The following TTN variants were observed in gnomAD, a reference collection of about 807,000 sequenced individuals.
TTN encodes the protein connectin.
TTN carries 1,525 observed loss-of-function variants against 3,223.0 expected under a neutral mutation model. The ratio of observed to expected loss-of-function variants is 0.47; its 90% CI spans 0.45 to 0.49. TTN has a LOEUF of 0.49. Among genes scored for constraint, TTN ranks in the 20% least tolerant of loss-of-function variants. TTN has a pLI of 0.00. For missense variants in TTN, 40,786 were observed against 43,424.0 expected (o/e 0.94, Z 5.40); for synonymous variants, 14,094 against 15,161.0 (o/e 0.93, Z 5.17).
rs1250781818 is a variant in TTN at position 178,634,852 on chromosome 2, GA to G, written c.42025-4del. Reference sequence around the variant, plus strand: ...CCTTCTGCTTTGATTTCACAAGTCTGAAAAACAATAGTTTTAGTAACCATTT... The same window carrying G: ...CCTTCTGCTTTGATTTCACAAGTCTGAAAACAATAGTTTTAGTAACCATTT... On this transcript the variant is annotated splice_polypyrimidine_tract_variant and splice_region_variant and intron_variant, in intron 228 of 362. Transcript: ENST00000589042. The surrounding 1 kb of genome is among the most constrained non-coding windows in gnomAD (Gnocchi z 4.6). 6.2e-7 allele frequency: 1 copy of G among 1,604,152 alleles called. No individual in the cohort carries two copies. Among genetic ancestry groups the G allele is most frequent in the South Asian group, 1.1e-5 (1 of 88,606 alleles).
chr2:178,734,229 A>T, intron 52 of TTN, 99 bp downstream of exon 52: 2 of 1,375,618 alleles, frequency 1.5e-6, no homozygotes, highest in Non-Finnish European at 1.9e-6. Context: ...ACAAATTTAA[A>T]GGATAGGACA....
At chr2:178,529,910 C>T (rs1688308112) in intron 359 of TTN, 50 bp downstream of exon 359, 3 of 1,541,290 alleles carry the variant, frequency 1.9e-6, no homozygotes, top group Admixed American at 2.3e-5. Flanking sequence ...AAAATATTTC[C>T]CTAATATTAT....
intron 312 of TTN, 181 bp from the exon 313 acceptor site, chr2:178,583,408 T>C (rs2048225019): frequency 2.4e-6 from 2 of 827,272 alleles, no homozygotes; most frequent in Admixed American, 3.5e-5. Flanking sequence ...TGAAATTATA[T>C]AGTTGCCACA....
Position 178,537,420 on chromosome 2 carries a change from T to A in TTN, c.99787A>T (p.Thr33263Ser), listed in dbSNP as rs369648529. The A allele has an allele frequency of 3.1e-6, 5 of 1,612,368 alleles. No homozygotes were observed. In the African/African-American group the frequency reaches 4.0e-5, roughly 13 times the overall value. Residue 33263 changes from threonine to serine, a missense_variant, in exon 355 of 363, where the codon ACT (threonine) becomes TCT (serine). Coordinates refer to ENST00000589042, the MANE Select transcript of TTN (RefSeq NM_001267550.2). ...TGGACTTTGTATTTCCCAGCATGAG[T>A]CTTACGTTGGACATTCTTCATGACA... is the stretch of plus-strand genomic sequence containing the variant. Reference protein sequence around the residue: ...HLVMKNVQRKTHAGKYKVQLS... With the variant: ...HLVMKNVQRKSHAGKYKVQLS...
chr2:178,625,394 C>A lies in TTN; in HGVS notation c.44427G>T (p.Val14809=). ...GAACTTTTCCTTCTGAACGTGGGAC[C>A]ACCTAGTTGTTTTTAAAAAAAGAAT... ...KGKKLEPSDK[V]VPRSEGKVHT... Residue 14809 remains valine (V), a splice_region_variant and synonymous_variant, in exon 241 of 363, where the codon GTG becomes GTT. Transcript: ENST00000589042. 2 of 1,550,536 alleles carry A rather than the reference C, an allele frequency of 1.3e-6. No individual in the cohort carries two copies. Among genetic ancestry groups the A allele is most frequent in the Non-Finnish European group, 1.7e-6 (2 of 1,156,916 alleles).
At chr2:178,805,044 T>A (rs2094249771) in intron 1 of TTN, among the ~76,000 whole-genome samples, 1 of 152,092 alleles carries the variant, frequency 6.6e-6, no homozygotes, top group African/African-American at 2.4e-5. Flanking sequence ...ATGTGATAAA[T>A]GTAAAATAAA....
chr2:178,558,909 AAAG>A (rs1702513387), intron 326 of TTN: 2 of 460,872 alleles, frequency 4.3e-6, no homozygotes, highest in South Asian at 2.8e-5. Flanking sequence ...TGGGGATAAA[AAAG>A]AGGAACAAGA....
rs2051397656 is a variant in TTN at position 178,595,777 on chromosome 2, C to T, written c.57577G>A (p.Ala19193Thr). 2 of 1,607,224 alleles carry T rather than the reference C, an allele frequency of 1.2e-6. No individual in the cohort carries two copies. Among genetic ancestry groups the T allele is most frequent in the Non-Finnish European group, 1.7e-6 (2 of 1,176,892 alleles). The change falls in exon 295 of 363, where the codon GCT (alanine) becomes ACT (threonine). Residue 19193 changes from alanine (A) to threonine (T), a missense_variant. Transcript: ENST00000589042. Reference sequence around the variant, plus strand: ...CAGGACTCATTGGTTAGGTTGTGAGCTAGGAATGGTGTTCCAACGGGACCT... The same window carrying T: ...CAGGACTCATTGGTTAGGTTGTGAGTTAGGAATGGTGTTCCAACGGGACCT... ...VPGPVGTPFL[A>T]HNLTNESCKL... is the part of the protein sequence containing the mutation.
rs10497518 is a variant in TTN at position 178,604,659 on chromosome 2, A to G, written c.54381+49T>C. 0.05 allele frequency: 75,752 copies of G among 1,509,560 alleles called. 3,121 individuals are homozygous for G. Among genetic ancestry groups the G allele is most frequent in the East Asian group, 0.23 (9,782 of 43,410 alleles). The allele number at this position is 1,509,560 out of a possible 1,614,324, so 93.5% of individuals were successfully genotyped here. Reference sequence around the variant, plus strand: ...GGTTATATTAAAATGGCATCAAACCAGAGTCATGTACTTTTAATGTGTATA... The same window carrying G: ...GGTTATATTAAAATGGCATCAAACCGGAGTCATGTACTTTTAATGTGTATA... On this transcript the variant is annotated intron_variant, in intron 281 of 362. Coordinates refer to ENST00000589042, the MANE Select transcript of TTN (RefSeq NM_001267550.2).
At position 178,679,390 on chromosome 2, in the gene TTN, C is replaced by A; in HGVS notation, c.33691G>T (p.Glu11231Ter). 1 of 1,612,682 alleles carries A rather than the reference C, an allele frequency of 6.2e-7. No individual in the cohort carries two copies. The highest frequency in any genetic ancestry group is 1.1e-5 in the South Asian group (1 of 91,000). The part of the protein sequence containing the change: ...KVPEVPKKPE[E>*]KVPVLIPKKE... Reference sequence around the variant, plus strand: ...TTAGGAATAAGCACAGGAACTTTCTCCTCTGGCTTCTTAGGAACCTCAGGC... The same window carrying A: ...TTAGGAATAAGCACAGGAACTTTCTACTCTGGCTTCTTAGGAACCTCAGGC... Residue 11231 changes from glutamate (E) to a stop codon, truncating the protein, a stop_gained, in exon 142 of 363, where the codon GAG becomes TAG. Coordinates refer to ENST00000589042, the MANE Select transcript of TTN (RefSeq NM_001267550.2). LOFTEE classifies it high-confidence loss of function.
At chr2:178,748,673 A>C in intron 47 of TTN, 1 of 1,612,906 alleles carries the variant, frequency 6.2e-7, no homozygotes, top group Non-Finnish European at 8.5e-7. Flanking sequence ...AAACTGCTTT[A>C]AGTCAAATGT....
rs775997914 is a variant in TTN, at chr2:178,533,068, G to A, written c.103547C>T (p.Thr34516Ile). 10 of 1,613,752 alleles carry A rather than the reference G, an allele frequency of 6.2e-6. No homozygotes were observed. Among genetic ancestry groups the A allele is most frequent in the East Asian group, 2.2e-5 (1 of 44,876 alleles). ...AAVLYKPAVS[T>I]KTVKGEFRLE... ...TCTGAATTCCCCTTTTACAGTCTTGGTGCTTACAGCCGGTTTATAAAGGAC... is the reference window on the plus strand; with the variant it reads ...TCTGAATTCCCCTTTTACAGTCTTGATGCTTACAGCCGGTTTATAAAGGAC... Residue 34516 changes from threonine (T) to isoleucine (I), a missense_variant, in exon 358 of 363, where the codon ACC becomes ATC. Coordinates refer to ENST00000589042, the MANE Select transcript of TTN (RefSeq NM_001267550.2).
rs776670775 is a variant in TTN at position 178,770,228 on chromosome 2, C to T, written c.8473G>A (p.Val2825Ile). The T allele has an allele frequency of 6.2e-7, 1 of 1,614,152 alleles. No homozygotes were observed. Among genetic ancestry groups the T allele is most frequent in the South Asian group, 1.1e-5 (1 of 91,076 alleles). ...TCCACACTCTTATGGAACCATTTTA[C>T]TGGAACAGTGTCATGGGAAACACTA... ...EVSVSHDTVPVKWFHKSVEIK... is the reference protein window; with the variant it reads ...EVSVSHDTVPIKWFHKSVEIK... The change falls in exon 36 of 363, where the codon GTA (valine) becomes ATA (isoleucine). Residue 2825 changes from valine (V) to isoleucine (I), a missense_variant. Transcript: ENST00000589042.
At chr2:178,606,954 G>C in intron 278 of TTN, 67 bp downstream of exon 278, 1 of 1,539,836 alleles carries the variant, frequency 6.5e-7, no homozygotes, top group Non-Finnish European at 8.7e-7. Flanking sequence ...AAGCCATAAA[G>C]CTCAGTAAAT....
intron 6 of TTN, among the ~76,000 whole-genome samples, chr2:178,795,992 C>T (rs1418739217): frequency 6.6e-6 from 1 of 152,188 alleles, no homozygotes; most frequent in Non-Finnish European, 1.5e-5. Flanking sequence ...TGGGAATTGA[C>T]TAACTTAAAA....
intron 207 of TTN, 60 bp from the exon 208 acceptor site, chr2:178,651,380 T>C: frequency 6.2e-7 from 1 of 1,606,366 alleles, no homozygotes; most frequent in South Asian, 1.1e-5. Context: ...TCATCACATT[T>C]ACACAGAACA....
chr2:178,582,395 T>A lies in TTN; in HGVS notation c.66061A>T (p.Ile22021Leu), dbSNP rs1423136139. 1.9e-6 allele frequency: 3 copies of A among 1,612,784 alleles called. No individual in the cohort carries two copies. The highest frequency in any genetic ancestry group is 2.5e-6 in the Non-Finnish European group (3 of 1,179,354). ...CGGAACTGATACTCATGGCCCTCTA[T>A]AAGTTTCTCCACGCTGCAGCTGGTG... Reference protein sequence around the residue: ...PITSCSVEKLIEGHEYQFRIC... With the variant: ...PITSCSVEKLLEGHEYQFRIC... Residue 22021 changes from isoleucine to leucine, a missense_variant, in exon 314 of 363, where the codon ATA becomes TTA. By Grantham distance (5) the Ile-to-Leu change is conservative (BLOSUM62 2). Coordinates refer to ENST00000589042, the MANE Select transcript of TTN (RefSeq NM_001267550.2).
Position 178,537,788 on chromosome 2 carries a change from T to C in TTN, c.99419A>G (p.Glu33140Gly). The change falls in exon 355 of 363, where the codon GAG becomes GGG. Residue 33140 changes from glutamate (E) to glycine (G), a missense_variant. Glu to Gly is a moderately conservative substitution (Grantham distance 98, BLOSUM62 -2). Coordinates refer to ENST00000589042, the MANE Select transcript of TTN (RefSeq NM_001267550.2). ...TTTGTATTTCCGGCTTTGTATGAGC[T>C]CTTTACCAAATCTGTACCATTTAAT... ...PDIKWYRFGK[E>G]LIQSRKYKMS... 2 of 1,613,774 alleles carry C rather than the reference T, an allele frequency of 1.2e-6. No individual in the cohort carries two copies. The highest frequency in any genetic ancestry group is 1.1e-5 in the South Asian group (1 of 91,082).
In TTN at chr2:178,573,691, T is replaced by G; in HGVS notation, c.72441A>C (p.Pro24147=). The G allele has an allele frequency of 6.6e-7, 1 of 1,523,400 alleles. No homozygotes were observed. 94.4% of individuals were successfully genotyped at this position (1,523,400 alleles called of 1,614,324 possible). A position where few individuals can be genotyped will look rare whatever the true frequency, so the allele number is the denominator to read the frequency against. ...SEKCVLSWFP[P]LDDGGAKIDH... is the part of the protein sequence containing the mutation. ...CAATTTTGGCACCTCCATCATCCAGTGGAGGGAACCATGATAGTACACACT... is the reference window on the plus strand; with the variant it reads ...CAATTTTGGCACCTCCATCATCCAGGGGAGGGAACCATGATAGTACACACT... Residue 24147 remains proline, a synonymous_variant, in exon 326 of 363, where the codon CCA becomes CCC. Transcript: ENST00000589042.
Sources: allele counts gnomAD v4.1 joint callset (sites outside exome capture counted in the v4.1 genomes callset), GRCh38; gene constraint gnomAD v4.1.1; non-coding constraint Gnocchi (gnomAD v3.1); transcripts MANE v1.5; gene names NCBI Gene and HGNC (gene_info 2026-07-23, HGNC 2026-07-21).